ATP1B2: variants seen among roughly 807,000 people sequenced by gnomAD.
ATP1B2 encodes ATPase Na+/K+ transporting subunit beta 2.
ATP1B2 carries 12 observed loss-of-function variants against 37.3 expected under a neutral mutation model. That is an observed-to-expected ratio of 0.32 (90% CI 0.21 to 0.52). The LOEUF (loss-of-function observed/expected upper bound fraction) is 0.52. Among genes scored for constraint, ATP1B2 ranks in the 20% least tolerant of loss-of-function variants. The pLI is 0.96. For missense variants in ATP1B2, 324 were observed against 391.6 expected, an observed-to-expected ratio of 0.83 and a Z score of 1.46; for synonymous variants, 139 against 140.5, an observed-to-expected ratio of 0.99 and a Z score of 0.07.
Position 7,655,652 on chromosome 17 carries a change from A to C in ATP1B2, c.708+27A>C. The C allele has an allele frequency of 6.2e-7, 1 of 1,614,086 alleles. No individual in the cohort carries two copies. Among genetic ancestry groups the C allele is most frequent in the African/African-American group, 1.3e-5 (1 of 75,032 alleles). ...TAAGTCCCAGGGGAGGCCCAGGCTG[A>C]TGGCGGGTGCGGGTGGTGAGCTAGG... On this transcript the variant is annotated intron_variant, in intron 6 of 6. Coordinates refer to ENST00000250111, the MANE Select transcript of ATP1B2 (RefSeq NM_001678.5). This position sits in a 1 kb window ranked among gnomAD's most constrained non-coding sequence, Gnocchi z 4.4.
In ATP1B2 at chr17:7,656,052, C is replaced by A; in HGVS notation, c.*157C>A. On this transcript the variant is annotated 3_prime_UTR_variant, in exon 7 of 7. Transcript: ENST00000250111. ...CTTTTCCTTGACTTCTCAACCCAGC[C>A]TGAAGTCCATTGCGGTTCCGTCACT... 1 of 1,027,126 alleles carries A rather than the reference C, an allele frequency of 9.7e-7. No homozygotes were observed. Among genetic ancestry groups the A allele is most frequent in the Non-Finnish European group, 1.4e-6 (1 of 719,914 alleles). The allele number at this position is 1,027,126 out of a possible 1,614,324, so 63.6% of individuals were successfully genotyped here. A position where few individuals can be genotyped will look rare whatever the true frequency, so the allele number is the denominator to read the frequency against.
At position 7,651,415 on chromosome 17, in the gene ATP1B2, C is replaced by A. The variant is rs1864676873; in HGVS notation, c.-104C>A. The stretch of plus-strand genomic sequence containing the variant: ...GGGGGGTCTCCTTTGCCCGCGCCGC[C>A]TTCGCTCCCCGTGCTTTTGGGTGTG... On this transcript the variant is annotated 5_prime_UTR_variant, in exon 1 of 7. Transcript: ENST00000250111. The A allele has an allele frequency of 9.2e-7, 1 of 1,083,224 alleles. No homozygotes were observed. Among genetic ancestry groups the A allele is most frequent in the Admixed American group, 2.1e-5 (1 of 48,520 alleles). 67.1% of individuals were successfully genotyped at this position (1,083,224 alleles called of 1,614,324 possible).
chr17:7,651,510 GCC>G lies in ATP1B2; in HGVS notation c.-8_-7del. On this transcript the variant is annotated 5_prime_UTR_variant, in exon 1 of 7. Transcript: ENST00000250111. Reference sequence around the variant, plus strand: ...CGCCCCGCGCCCGGACTCGCCCCGCGCCACCAAGATGGTCATCCAGAAAGAGA... The same window carrying G: ...CGCCCCGCGCCCGGACTCGCCCCGCGACCAAGATGGTCATCCAGAAAGAGA... 1 of 1,580,870 alleles carries G rather than the reference GCC, an allele frequency of 6.3e-7. No homozygotes were observed. The highest frequency in any genetic ancestry group is 8.6e-7 in the Non-Finnish European group (1 of 1,164,330).
rs1278615160 is a variant in ATP1B2 at position 7,654,682 on chromosome 17, A to G, written c.607A>G (p.Lys203Glu). Residue 203 changes from lysine (K) to glutamate (E), a missense_variant and splice_region_variant, in exon 5 of 7, where the codon AAG becomes GAG. Transcript: ENST00000250111. This position sits in a 1 kb window ranked among gnomAD's most constrained non-coding sequence, Gnocchi z 4.9. Reference sequence around the variant, plus strand: ...GAGCATGAATGTTACCTGTGCTGGGAAGGTGAGTTCGTTGGGCCTTGTCTG... The same window carrying G: ...GAGCATGAATGTTACCTGTGCTGGGGAGGTGAGTTCGTTGGGCCTTGTCTG... ...NQSMNVTCAG[K>E]RDEDAENLGN... is the part of the protein sequence containing the mutation. The G allele has an allele frequency of 6.2e-7, 1 of 1,614,118 alleles. No homozygotes were observed. Among genetic ancestry groups the G allele is most frequent in the Non-Finnish European group, 8.5e-7 (1 of 1,179,996 alleles).
upstream of ATP1B2, among the ~76,000 whole-genome samples, chr17:7,648,453 C>T (rs2150976211): frequency 6.6e-6 from 1 of 150,948 alleles, no homozygotes; most frequent in East Asian, 2.0e-4. Context: ...GTGGTAGTCC[C>T]AGCTACCCGG....
At chr17:7,653,549 C>T (rs770134651) in intron 2 of ATP1B2, 47 bp downstream of exon 2, 10 of 1,604,840 alleles carry the variant, frequency 6.2e-6, no homozygotes, top group Non-Finnish European at 3.4e-6. Flanking sequence ...TGCTCTTGTG[C>T]CCCCAAACCT....
upstream of ATP1B2, among the ~76,000 whole-genome samples, chr17:7,649,769 A>C (rs1251918289): frequency 2.0e-5 from 3 of 151,616 alleles, no homozygotes; most frequent in Non-Finnish European, 2.9e-5. Flanking sequence ...TGTGTTATCC[A>C]GGATGGTCTC....
upstream of ATP1B2, among the ~76,000 whole-genome samples, chr17:7,648,298 C>T (rs1185560513): frequency 6.6e-6 from 1 of 151,956 alleles, no homozygotes; most frequent in Non-Finnish European, 1.5e-5. Flanking sequence ...ATAGTTTAGG[C>T]TGGGTGCGGT....
At chr17:7,653,079 A>G (rs1275567040) in intron 1 of ATP1B2, among the ~76,000 whole-genome samples, 1 of 152,140 alleles carries the variant, frequency 6.6e-6, no homozygotes, top group East Asian at 1.9e-4. Context: ...TGTCAGGACT[A>G]TGCATGGTTG....
intron 1 of ATP1B2, 146 bp from the exon 2 acceptor site, chr17:7,653,228 G>A (rs772173968): frequency 1.8e-5 from 22 of 1,222,204 alleles, no homozygotes; most frequent in Non-Finnish European, 2.4e-5. Flanking sequence ...GTCTCATTTT[G>A]CCTCCAGAGG....
rs998960827 is a variant in ATP1B2, at chr17:7,654,933, C to T, written c.609+249C>T. 5 of 508,178 alleles carry T rather than the reference C, an allele frequency of 9.8e-6. No individual in the cohort carries two copies. Among genetic ancestry groups the T allele is most frequent in the Non-Finnish European group, 1.8e-5 (5 of 282,018 alleles). The allele number at this position is 508,178 out of a possible 1,614,324, so 31.5% of individuals were successfully genotyped here. On this transcript the variant is annotated intron_variant, in intron 5 of 6. Coordinates refer to ENST00000250111, the MANE Select transcript of ATP1B2 (RefSeq NM_001678.5). This position sits in a 1 kb window ranked among gnomAD's most constrained non-coding sequence, Gnocchi z 4.9. ...TCCTAGGGGCCAGACACACGCCCTC[C>T]TCCACCAACGCCCTGGCCTCTGGCT... is the stretch of plus-strand genomic sequence containing the variant.
At position 7,655,274 on chromosome 17, in the gene ATP1B2, G is replaced by C. The variant is rs148420213; in HGVS notation, c.610-253G>C. 437 of 560,244 alleles carry C rather than the reference G, an allele frequency of 7.8e-4. 1 individual carries two copies. The highest frequency in any genetic ancestry group is 1.2e-3 in the Non-Finnish European group (387 of 315,346). The allele number at this position is 560,244 out of a possible 1,614,324, so 34.7% of individuals were successfully genotyped here. A position where few individuals can be genotyped will look rare whatever the true frequency, so the allele number is the denominator to read the frequency against. ...AGGATGGGGTAAGAACTTGGGGTAG[G>C]AGTGGAGTAGGAGGCTTTCGTGCCA... On this transcript the variant is annotated intron_variant, in intron 5 of 6. Transcript: ENST00000250111. The surrounding 1 kb of genome is among the most constrained non-coding windows in gnomAD (Gnocchi z 4.4).
Position 7,656,065 on chromosome 17 carries a change from C to A in ATP1B2, c.*170C>A. On this transcript the variant is annotated 3_prime_UTR_variant, in exon 7 of 7. Transcript: ENST00000250111. ...TCTCAACCCAGCCTGAAGTCCATTG[C>A]GGTTCCGTCACTCGCCTTTCCCACC... 2 of 898,838 alleles carry A rather than the reference C, an allele frequency of 2.2e-6. No homozygotes were observed. The highest frequency in any genetic ancestry group is 3.3e-6 in the Non-Finnish European group (2 of 607,944). 55.7% of individuals were successfully genotyped at this position (898,838 alleles called of 1,614,324 possible).
chr17:7,647,440 T>C (rs762551627), upstream of ATP1B2, among the ~76,000 whole-genome samples: 1 of 152,148 alleles, frequency 6.6e-6, no homozygotes, highest in African/African-American at 2.4e-5. Flanking sequence ...GATGGCAGGA[T>C]TGCTTGAGGC....
Position 7,654,688 on chromosome 17 carries a change from A to G in ATP1B2, c.609+4A>G, listed in dbSNP as rs1324448342. On this transcript the variant is annotated splice_donor_region_variant and intron_variant, in intron 5 of 6. Transcript: ENST00000250111. This position sits in a 1 kb window ranked among gnomAD's most constrained non-coding sequence, Gnocchi z 4.9. ...GAATGTTACCTGTGCTGGGAAGGTG[A>G]GTTCGTTGGGCCTTGTCTGCCTGCT... The G allele has an allele frequency of 1.9e-6, 3 of 1,614,082 alleles. No individual in the cohort carries two copies. Among genetic ancestry groups the G allele is most frequent in the African/African-American group, 2.7e-5 (2 of 75,026 alleles).
At position 7,653,623 on chromosome 17, in the gene ATP1B2, GAAGTTCTTGA is replaced by G. The variant is rs904799170; in HGVS notation, c.241+124_241+133del. The stretch of plus-strand genomic sequence containing the variant: ...TGATGACCCAATCCCCACGTGCTTG[GAAGTTCTTGA>G]AATCTGTCCACCTTCCCATTTACTG... On this transcript the variant is annotated intron_variant, in intron 2 of 6. Coordinates refer to ENST00000250111, the MANE Select transcript of ATP1B2 (RefSeq NM_001678.5). The G allele has an allele frequency of 1.0e-5, 15 of 1,469,810 alleles. No homozygotes were observed. The African/African-American group carries it at 1.3e-4, about 12-fold the overall frequency. 91.0% of individuals were successfully genotyped at this position (1,469,810 alleles called of 1,614,324 possible).
chr17:7,648,843 AG>A, upstream of ATP1B2, among the ~76,000 whole-genome samples: 1 of 152,064 alleles, frequency 6.6e-6, no homozygotes, highest in Non-Finnish European at 1.5e-5. Context: ...TCTAACCTGC[AG>A]GGTACTCCGC....
upstream of ATP1B2, among the ~76,000 whole-genome samples, chr17:7,650,785 C>A (rs533097366): frequency 6.8e-6 from 1 of 147,556 alleles, no homozygotes; most frequent in Non-Finnish European, 1.5e-5. Context: ...GTCAGGGGGG[C>A]GGGCCCAACC....
rs1174345092 is a variant in ATP1B2, at chr17:7,654,901, C to T, written c.609+217C>T. 16 of 566,678 alleles carry T rather than the reference C, an allele frequency of 2.8e-5. 1 individual carries two copies. The East Asian group carries it at 4.2e-4, about 15-fold the overall frequency. The allele number at this position is 566,678 out of a possible 1,614,324, so 35.1% of individuals were successfully genotyped here. On this transcript the variant is annotated intron_variant, in intron 5 of 6. Transcript: ENST00000250111. This position sits in a 1 kb window ranked among gnomAD's most constrained non-coding sequence, Gnocchi z 4.9. Reference sequence around the variant, plus strand: ...CTTGCTTCTCTCTGGGATGCAGAGGCCTGCTCTCCTAGGGGCCAGACACAC... The same window carrying T: ...CTTGCTTCTCTCTGGGATGCAGAGGTCTGCTCTCCTAGGGGCCAGACACAC...
Sources: allele counts gnomAD v4.1 joint callset (sites outside exome capture counted in the v4.1 genomes callset), GRCh38; gene constraint gnomAD v4.1.1; non-coding constraint Gnocchi (gnomAD v3.1); transcripts MANE v1.5; gene names NCBI Gene and HGNC (gene_info 2026-07-23, HGNC 2026-07-21).